GRID1: variants seen among roughly 807,000 people sequenced by gnomAD.
GRID1 encodes glutamate ionotropic receptor delta type subunit 1.
GRID1 carries 28 observed loss-of-function variants against 98.0 expected under a neutral mutation model. The observed-to-expected ratio is 0.29, with a 90% CI of 0.21 to 0.39. The LOEUF is 0.39. Ranked by LOEUF, GRID1 falls within the 10% of genes least tolerant of loss-of-function variation. GRID1 has a pLI of 1.00. For missense variants in GRID1, 1,111 were observed against 1,340.5 expected, an observed-to-expected ratio of 0.83 and a Z score of 2.67; for synonymous variants, 553 against 538.5, an observed-to-expected ratio of 1.03 and a Z score of -0.37.
At chr10:85,613,368 C>T (rs1469637997) in intron 15 of GRID1, 39 bp downstream of exon 15, 2 of 1,589,008 alleles carry the variant, frequency 1.3e-6, no homozygotes, top group African/African-American at 1.3e-5. Context: ...ACTCCTGCCT[C>T]TAGGCTGTGA....
chr10:85,987,723 A>C (rs1842630116), intron 4 of GRID1, among the ~76,000 whole-genome samples: 1 of 151,190 alleles, frequency 6.6e-6, no homozygotes, highest in African/African-American at 2.4e-5. Flanking sequence ...TGCTCCTCCC[A>C]TGCCAGTGCC....
chr10:85,742,772 T>C (rs2132675023), intron 8 of GRID1, among the ~76,000 whole-genome samples: 1 of 152,302 alleles, frequency 6.6e-6, no homozygotes, highest in East Asian at 1.9e-4. Flanking sequence ...AGAAGTCTAA[T>C]TACTCTTCCT....
chr10:86,129,702 G>T (rs982414316), intron 4 of GRID1, among the ~76,000 whole-genome samples: 1 of 152,192 alleles, frequency 6.6e-6, no homozygotes, highest in Non-Finnish European at 1.5e-5. Context: ...GCCACCATCT[G>T]CTTCCACCCA....
intron 8 of GRID1, among the ~76,000 whole-genome samples, chr10:85,766,554 A>G (rs996108455): frequency 2.6e-5 from 4 of 152,226 alleles, no homozygotes; most frequent in Non-Finnish European, 5.9e-5. Flanking sequence ...AAACTTTTCT[A>G]AACAACTACT....
intron 2 of GRID1, among the ~76,000 whole-genome samples, chr10:86,303,112 T>G (rs1847714016): frequency 6.6e-6 from 1 of 152,236 alleles, no homozygotes; most frequent in African/African-American, 2.4e-5. Flanking sequence ...TTAGAATTAT[T>G]CTGCTAGGCA....
chr10:85,651,539 C>T (rs1027928574), intron 12 of GRID1, among the ~76,000 whole-genome samples: 1 of 152,196 alleles, frequency 6.6e-6, no homozygotes, highest in African/African-American at 2.4e-5. Context: ...ACTTTAGGCA[C>T]TCAGGATACC....
intron 4 of GRID1, among the ~76,000 whole-genome samples, chr10:85,944,266 G>T (rs1455068291): frequency 6.6e-6 from 1 of 152,152 alleles, no homozygotes; most frequent in Non-Finnish European, 1.5e-5. Flanking sequence ...AAGGTTTGGG[G>T]TGATTTGTTA....
chr10:85,725,086 T>A (rs1841747636), intron 10 of GRID1, among the ~76,000 whole-genome samples: 1 of 152,078 alleles, frequency 6.6e-6, no homozygotes, highest in Admixed American at 6.5e-5. Context: ...CCCTACATGT[T>A]AAGACCAGAG....
intron 4 of GRID1, among the ~76,000 whole-genome samples, chr10:86,074,588 C>T (rs1276774608): frequency 1.3e-5 from 2 of 152,120 alleles, no homozygotes; most frequent in African/African-American, 4.8e-5. Flanking sequence ...TTTTCATTAT[C>T]CATTCAGCCA....
chr10:85,604,088 A>G (rs937310707), intron 15 of GRID1, among the ~76,000 whole-genome samples: 3 of 152,186 alleles, frequency 2.0e-5, no homozygotes, highest in African/African-American at 7.2e-5. Flanking sequence ...TGCATGAATC[A>G]CAGGGCTAAC....
At chr10:86,332,340 C>A (rs758319928) in intron 2 of GRID1, among the ~76,000 whole-genome samples, 1 of 152,104 alleles carries the variant, frequency 6.6e-6, no homozygotes. Flanking sequence ...GAATTCTAGA[C>A]GGACCCCCTA....
chr10:85,764,561 T>C (rs1224417397), intron 8 of GRID1, among the ~76,000 whole-genome samples: 3 of 152,096 alleles, frequency 2.0e-5, no homozygotes, highest in East Asian at 3.9e-4. Context: ...TCCAGCACAA[T>C]ACAGGGCCCA....
chr10:85,752,982 C>A lies in GRID1; in HGVS notation c.1234-23368G>T, dbSNP rs546081113. Among the ~76,000 whole-genome samples the A allele has an allele frequency of 8.0e-4, 122 of 152,314 alleles. 3 individuals are homozygous for A. The South Asian group carries it at 0.013, about 16-fold the overall frequency. On this transcript the variant is annotated intron_variant, in intron 8 of 15. Coordinates refer to ENST00000327946, the MANE Select transcript of GRID1 (RefSeq NM_017551.3). ...GGCATTCTGGCAAACCATCTGTGTTCTGAAATCCTACTTTTCCCTCGGGTA... is the reference window on the plus strand; with the variant it reads ...GGCATTCTGGCAAACCATCTGTGTTATGAAATCCTACTTTTCCCTCGGGTA...
At chr10:85,712,371 GACACATGTGTACATAT>G (rs1841591674) in intron 12 of GRID1, among the ~76,000 whole-genome samples, 1 of 151,696 alleles carries the variant, frequency 6.6e-6, no homozygotes, top group South Asian at 2.1e-4. Flanking sequence ...CAACAAAATA[GACACATGTGTACATAT>G]ACACATATGC....
chr10:86,249,737 G>T (rs1846790855), intron 2 of GRID1, among the ~76,000 whole-genome samples: 1 of 152,144 alleles, frequency 6.6e-6, no homozygotes, highest in Non-Finnish European at 1.5e-5. Context: ...GGCCTTCCTT[G>T]AGAAAGCCTC....
intron 2 of GRID1, among the ~76,000 whole-genome samples, chr10:86,267,730 T>A (rs1315311784): frequency 6.6e-6 from 1 of 152,168 alleles, no homozygotes; most frequent in African/African-American, 2.4e-5. Context: ...AAAGCCTTAC[T>A]CCTGGCCCTG....
At chr10:86,163,651 C>T (rs1845355610) in intron 3 of GRID1, among the ~76,000 whole-genome samples, 1 of 152,156 alleles carries the variant, frequency 6.6e-6, no homozygotes, top group Admixed American at 6.5e-5. Context: ...GAGGCTGAGA[C>T]TTTGAGCCTT....
intron 8 of GRID1, among the ~76,000 whole-genome samples, chr10:85,780,585 G>T (rs188320750): frequency 2.0e-5 from 3 of 152,144 alleles, no homozygotes; most frequent in African/African-American, 7.2e-5. Context: ...TACCAGTACT[G>T]AGCCGATGTT....
chr10:86,318,397 C>T (rs1847927095), intron 2 of GRID1, among the ~76,000 whole-genome samples: 1 of 152,246 alleles, frequency 6.6e-6, no homozygotes, highest in Admixed American at 6.5e-5. Context: ...AGTCAAGCTC[C>T]GTGCTCTGCT....
Sources: allele counts gnomAD v4.1 joint callset (sites outside exome capture counted in the v4.1 genomes callset), GRCh38; gene constraint gnomAD v4.1.1; transcripts MANE v1.5; gene names NCBI Gene and HGNC (gene_info 2026-07-23, HGNC 2026-07-21).